Variants in BNIP3L observed in about 807,000 individuals in gnomAD.
The protein encoded by BNIP3L is BCL2/adenovirus E1B 19 kDa protein-interacting protein 3-like.
A neutral mutation model predicts 25.5 loss-of-function variants in BNIP3L; 10 were observed. The ratio of observed to expected loss-of-function variants is 0.39; its 90% CI spans 0.24 to 0.67. The LOEUF is 0.67. BNIP3L is among the 30% of genes least tolerant of loss of function. The pLI is 0.45. For synonymous variants in BNIP3L, 113 were observed against 101.2 expected (o/e 1.12, Z -0.70); for missense variants, 215 against 270.9 (o/e 0.79, Z 1.45).
chr8:26,411,557 C>A lies in BNIP3L; in HGVS notation c.*1145C>A, dbSNP rs1408922444. 4 of 152,322 alleles carry A rather than the reference C, an allele frequency of 2.6e-5. No individual in the cohort carries two copies. Among genetic ancestry groups the A allele is most frequent in the South Asian group, 2.1e-4 (1 of 4,822 alleles). 9.4% of individuals were successfully genotyped at this position (152,322 alleles called of 1,614,324 possible). A position where few individuals can be genotyped will look rare whatever the true frequency, so the allele number is the denominator to read the frequency against. ...GAATAATGTTTACTGTACAGTCTTC[C>A]CAAGGTGATTCCTGCGACTGCAGGC... On this transcript the variant is annotated 3_prime_UTR_variant, in exon 6 of 6. Transcript: ENST00000380629.
chr8:26,395,309 C>CG lies in BNIP3L; in HGVS notation c.357+13dup, dbSNP rs767716721. ...CAGGGACCATAGCTCTCAGGTGTGT[C>CG]GGGGGGATTCTGATTTACAGTAAAC... is the stretch of plus-strand genomic sequence containing the variant. On this transcript the variant is annotated splice_region_variant and intron_variant, in intron 3 of 5. Transcript: ENST00000380629. The CG allele has an allele frequency of 6.2e-7, 1 of 1,611,562 alleles. No homozygotes were observed. The highest frequency in any genetic ancestry group is 8.5e-7 in the Non-Finnish European group (1 of 1,178,636).
intron 3 of BNIP3L, among the ~76,000 whole-genome samples, chr8:26,404,438 A>G (rs1034686100): frequency 4.6e-5 from 7 of 152,258 alleles, no homozygotes; most frequent in Non-Finnish European, 1.0e-4. Flanking sequence ...ACCTTGAGGT[A>G]AACCAGAGAA....
chr8:26,401,949 T>A (rs1407631231), intron 3 of BNIP3L, among the ~76,000 whole-genome samples: 1 of 152,198 alleles, frequency 6.6e-6, no homozygotes, highest in African/African-American at 2.4e-5. Flanking sequence ...GAGTACAAAT[T>A]CTTGAGGACG....
Position 26,412,924 on chromosome 8 carries a change from A to T in BNIP3L, c.*2512A>T, listed in dbSNP as rs1302487607. 1 of 152,606 alleles carries T rather than the reference A, an allele frequency of 6.6e-6. No homozygotes were observed. The highest frequency in any genetic ancestry group is 2.1e-4 in the South Asian group (1 of 4,838). 9.5% of individuals were successfully genotyped at this position (152,606 alleles called of 1,614,324 possible). On this transcript the variant is annotated 3_prime_UTR_variant, in exon 6 of 6. Transcript: ENST00000380629. The stretch of plus-strand genomic sequence containing the variant: ...TTGCAGTAAAAATATTTACTATTCT[A>T]AAAAAATGAGAATTGAAGACTTAGC...
At chr8:26,383,560 G>A (rs1805908967) in intron 1 of BNIP3L, 1 of 299,302 alleles carries the variant, frequency 3.3e-6, no homozygotes, top group Non-Finnish European at 4.9e-6. Flanking sequence ...CCTGGGGGGC[G>A]GGGAGGCCGG....
Position 26,412,174 on chromosome 8 carries a change from T to A in BNIP3L, c.*1762T>A, listed in dbSNP as rs1405294911. The A allele has an allele frequency of 6.6e-6, 1 of 152,236 alleles. No individual in the cohort carries two copies. Among genetic ancestry groups the A allele is most frequent in the Admixed American group, 6.5e-5 (1 of 15,280 alleles). The allele number at this position is 152,236 out of a possible 1,614,324, so 9.4% of individuals were successfully genotyped here. On this transcript the variant is annotated 3_prime_UTR_variant, in exon 6 of 6. Coordinates refer to ENST00000380629, the MANE Select transcript of BNIP3L (RefSeq NM_004331.3). ...CTAGACCATGTTTCTGTCTTACTCTTAAACCTGGTAACACTTGATTTGCCT... is the reference window on the plus strand; with the variant it reads ...CTAGACCATGTTTCTGTCTTACTCTAAAACCTGGTAACACTTGATTTGCCT...
chr8:26,383,520 C>T, intron 1 of BNIP3L: 3 of 305,536 alleles, frequency 9.8e-6, no homozygotes, highest in Non-Finnish European at 1.2e-5. Flanking sequence ...TCCCCAGCAG[C>T]GGAGCCGGGC....
chr8:26,386,419 A>C (rs185110969), intron 1 of BNIP3L, among the ~76,000 whole-genome samples: 1 of 151,966 alleles, frequency 6.6e-6, no homozygotes, highest in Non-Finnish European at 1.5e-5. Flanking sequence ...TTTCTTTTCA[A>C]ATTTTCTTGT....
intron 2 of BNIP3L, among the ~76,000 whole-genome samples, chr8:26,392,324 C>T (rs74757596): frequency 0.012 from 1,802 of 151,696 alleles, 21 homozygotes; most frequent in Middle Eastern, 0.034. Flanking sequence ...TGCAAATGCA[C>T]GGGAAGCAGA....
chr8:26,407,047 T>TA (rs1377936076), intron 3 of BNIP3L, among the ~76,000 whole-genome samples: 3 of 151,650 alleles, frequency 2.0e-5, no homozygotes, highest in African/African-American at 7.3e-5. Flanking sequence ...GGCTGGAGTG[T>TA]AGTGGCTGGA....
chr8:26,388,251 GTAGTAGCT>G (rs1343146267), intron 1 of BNIP3L, among the ~76,000 whole-genome samples: 1 of 152,286 alleles, frequency 6.6e-6, no homozygotes, highest in East Asian at 1.9e-4. Flanking sequence ...GAATATAATT[GTAGTAGCT>G]AAAACTTTCT....
In BNIP3L at chr8:26,410,966, G is replaced by A. The variant is rs1806611824; in HGVS notation, c.*554G>A. 1 of 151,310 alleles carries A rather than the reference G, an allele frequency of 6.6e-6. No homozygotes were observed. The highest frequency in any genetic ancestry group is 1.5e-5 in the Non-Finnish European group (1 of 67,948). The allele number at this position is 151,310 out of a possible 1,614,324, so 9.4% of individuals were successfully genotyped here. On this transcript the variant is annotated 3_prime_UTR_variant, in exon 6 of 6. Coordinates refer to ENST00000380629, the MANE Select transcript of BNIP3L (RefSeq NM_004331.3). ...GCAAGGCACAACAAAAAAATATCCT[G>A]GGCAATAAAAAAAATATTTTAAACC...
intron 3 of BNIP3L, 90 bp downstream of exon 3, chr8:26,395,392 T>A (rs1026252605): frequency 1.6e-5 from 22 of 1,342,786 alleles, no homozygotes; most frequent in Admixed American, 8.0e-5. Context: ...GTGAAGACTT[T>A]TAGGAATAGT....
chr8:26,390,322 A>G (rs937587584), intron 1 of BNIP3L: 16 of 973,268 alleles, frequency 1.6e-5, no homozygotes, highest in Non-Finnish European at 2.0e-5. Flanking sequence ...AATATTTTCA[A>G]GATGTATGCA....
At chr8:26,401,959 G>T (rs147161864) in intron 3 of BNIP3L, among the ~76,000 whole-genome samples, 1 of 152,108 alleles carries the variant, frequency 6.6e-6, no homozygotes, top group Admixed American at 6.6e-5. Flanking sequence ...TCTTGAGGAC[G>T]GGAACCATTA....
At chr8:26,410,134 C>T (rs538606229) in intron 5 of BNIP3L, among the ~76,000 whole-genome samples, 19 of 152,084 alleles carry the variant, frequency 1.2e-4, no homozygotes, top group Non-Finnish European at 2.1e-4. Context: ...CCTTTGCTGT[C>T]GAGCCCCGAT....
chr8:26,390,253 C>T (rs1213784541), intron 1 of BNIP3L: 3 of 772,884 alleles, frequency 3.9e-6, no homozygotes, highest in African/African-American at 1.9e-5. Context: ...TGTACCTGGC[C>T]TCAACTCTTG....
chr8:26,384,192 G>C (rs747044486), intron 1 of BNIP3L, among the ~76,000 whole-genome samples: 7 of 152,104 alleles, frequency 4.6e-5, no homozygotes, highest in Non-Finnish European at 8.8e-5. Flanking sequence ...TCAACTCTTG[G>C]GAAAGAGGTA....
intron 3 of BNIP3L, among the ~76,000 whole-genome samples, chr8:26,407,432 C>T (rs1203646255): frequency 6.6e-6 from 1 of 151,870 alleles, no homozygotes; most frequent in African/African-American, 2.4e-5. Context: ...GTGATCCGCT[C>T]ACCTCGGCCT....
Sources: allele counts gnomAD v4.1 joint callset (sites outside exome capture counted in the v4.1 genomes callset), GRCh38; gene constraint gnomAD v4.1.1; transcripts MANE v1.5; gene names NCBI Gene and HGNC (gene_info 2026-07-23, HGNC 2026-07-21).